The following IQANK1 variants were observed in gnomAD, a reference collection of about 807,000 sequenced individuals.
IQANK1 encodes IQ motif and ankyrin repeat containing 1, also known as IQ motif and ankyrin repeat domain-containing protein 1.
Under a neutral mutation model 22.6 loss-of-function variants are expected in IQANK1, and 30 were observed. The ratio of observed to expected loss-of-function variants is 1.33; its 90% CI spans 0.99 to 1.80. The LOEUF is 1.80. IQANK1 is among the 40% of genes most tolerant of loss of function. The pLI is 0.00. For missense variants in IQANK1, 275 were observed against 235.2 expected (o/e 1.17, Z -1.11); for synonymous variants, 122 against 99.6 (o/e 1.23, Z -1.34).
intron 3 of IQANK1, among the ~76,000 whole-genome samples, chr8:143,748,566 C>T (rs1391695206): frequency 8.8e-6 from 1 of 113,994 alleles, no homozygotes; most frequent in Admixed American, 1.0e-4. Flanking sequence ...ATATATATAT[C>T]ATATATAATA....
At chr8:143,776,334 AAAAAAAAAAAAG>A (rs1819685601) in intron 7 of IQANK1, among the ~76,000 whole-genome samples, 1 of 143,308 alleles carries the variant, frequency 7.0e-6, no homozygotes, top group South Asian at 2.1e-4. Context: ...TCTCAAAAAA[AAAAAAAAAAAAG>A]AAAAAGAAAA....
intron 11 of IQANK1, 49 bp downstream of exon 11, chr8:143,789,918 G>A (rs1554631997): frequency 2.4e-6 from 3 of 1,231,840 alleles, no homozygotes. Context: ...TACAGCCCAG[G>A]GCGGGGTCCG....
chr8:143,741,562 C>A (rs904177308), intron 3 of IQANK1, among the ~76,000 whole-genome samples: 8 of 152,178 alleles, frequency 5.3e-5, no homozygotes, highest in Admixed American at 1.3e-4. Context: ...GAGTCTATTT[C>A]AGGCAGAACA....
intron 3 of IQANK1, chr8:143,743,801 A>G: frequency 2.4e-6 from 1 of 411,018 alleles, no homozygotes; most frequent in Non-Finnish European, 4.7e-6. Flanking sequence ...CATTAGTTTC[A>G]TATATTGTAG....
chr8:143,753,515 A>G lies in IQANK1; in HGVS notation c.175+13567A>G, dbSNP rs138308346. 8.4e-3 allele frequency among the ~76,000 whole-genome samples: 1,231 copies of G among 145,994 alleles called. 18 individuals are homozygous for G. The highest frequency in any genetic ancestry group is 0.03 in the African/African-American group (1,153 of 38,870). The stretch of plus-strand genomic sequence containing the variant: ...CTGTCTCAGGCTGGAGTGCAGTGGC[A>G]TGATCTCGGCTCACTGCAACCTCTG... On this transcript the variant is annotated intron_variant, in intron 3 of 13. Transcript: ENST00000527139.
intron 3 of IQANK1, among the ~76,000 whole-genome samples, chr8:143,768,963 AC>A (rs1819526195): frequency 6.6e-6 from 1 of 152,108 alleles, no homozygotes; most frequent in Admixed American, 6.5e-5. Flanking sequence ...TGTGATTCTG[AC>A]CCAAATAGGG....
chr8:143,755,001 T>G (rs1396299113), intron 3 of IQANK1, among the ~76,000 whole-genome samples: 1 of 152,126 alleles, frequency 6.6e-6, no homozygotes, highest in African/African-American at 2.4e-5. Context: ...GTTCTCTTGG[T>G]TAGAAGCAAG....
rs1240501024 is a variant in IQANK1 at position 143,789,993 on chromosome 8, G to T, written c.1218G>T (p.Leu406=). ...CAGGGGAGGAAGAGGCGCCTGGGCT[G>T]AAGTGCCAGGTCACCGAGCTGCACG... ...TQEGEEEAPG[L]KCQVTELHDV... Residue 406 remains leucine, a synonymous_variant, in exon 12 of 14, where the codon CTG becomes CTT. Transcript: ENST00000527139. 1.6e-6 allele frequency: 2 copies of T among 1,232,070 alleles called. No individual in the cohort carries two copies. Among genetic ancestry groups the T allele is most frequent in the African/African-American group, 3.1e-5 (2 of 64,554 alleles). 76.3% of individuals were successfully genotyped at this position (1,232,070 alleles called of 1,614,324 possible).
At chr8:143,737,533 C>G (rs1818774841) in intron 2 of IQANK1, among the ~76,000 whole-genome samples, 1 of 152,180 alleles carries the variant, frequency 6.6e-6, no homozygotes, top group African/African-American at 2.4e-5. Flanking sequence ...CCCACAGATA[C>G]CCTGCATCCA....
intron 7 of IQANK1, among the ~76,000 whole-genome samples, chr8:143,786,163 A>C (rs1819885131): frequency 1.3e-5 from 2 of 152,186 alleles, no homozygotes. Context: ...TTGCCTGGCC[A>C]TGTCATACGT....
intron 7 of IQANK1, among the ~76,000 whole-genome samples, chr8:143,788,187 C>T (rs969211558): frequency 1.3e-5 from 2 of 152,252 alleles, no homozygotes; most frequent in East Asian, 1.9e-4. Context: ...CATTCACACA[C>T]GGAGCCACCC....
intron 3 of IQANK1, among the ~76,000 whole-genome samples, chr8:143,740,171 A>C (rs910874422): frequency 6.6e-6 from 1 of 151,374 alleles, no homozygotes; most frequent in Admixed American, 6.6e-5. Context: ...GCTCTCGCCC[A>C]CCTCCTGGTG....
In IQANK1 at chr8:143,771,302, C is replaced by T. The variant is rs879964109; in HGVS notation, c.176-186C>T. Among the ~76,000 whole-genome samples the T allele has an allele frequency of 2.0e-5, 3 of 151,800 alleles. No homozygotes were observed. Among genetic ancestry groups the T allele is most frequent in the Non-Finnish European group, 4.4e-5 (3 of 67,896 alleles). On this transcript the variant is annotated intron_variant, in intron 3 of 13. Transcript: ENST00000527139. The surrounding 1 kb of genome is among the most constrained non-coding windows in gnomAD (Gnocchi z 6.0). ...CTGGGTCCTCTCCGCGTCCCGGGCT[C>T]TCGCGCAGCCTCCTCGTGCGGCCTC...
At chr8:143,738,339 C>T (rs1187904542) in intron 2 of IQANK1, among the ~76,000 whole-genome samples, 2 of 152,212 alleles carry the variant, frequency 1.3e-5, no homozygotes, top group East Asian at 1.9e-4. Context: ...CTGGAGGCTA[C>T]AGTGGCCGTG....
rs146664943 is a variant in IQANK1 at position 143,743,497 on chromosome 8, C to T, written c.175+3549C>T. Among the ~76,000 whole-genome samples the T allele has an allele frequency of 1.0e-3, 153 of 152,270 alleles. 2 individuals carry two copies. In the East Asian group the frequency reaches 0.021, roughly 21 times the overall value. On this transcript the variant is annotated intron_variant, in intron 3 of 13. Transcript: ENST00000527139. ...CTTGGGCTGTTTGACTTGAGTCTTC[C>T]AGTCTGGATTTTGCTGATAAGATGG...
intron 3 of IQANK1, among the ~76,000 whole-genome samples, chr8:143,753,970 A>C (rs1350575593): frequency 6.6e-6 from 1 of 151,886 alleles, no homozygotes; most frequent in African/African-American, 2.4e-5. Flanking sequence ...TCTCTTTCCA[A>C]GGCTCAGCTG....
chr8:143,747,648 A>T lies in IQANK1; in HGVS notation c.175+7700A>T, dbSNP rs78461461. Reference sequence around the variant, plus strand: ...TGACTGTTGAAGGGTGTTTTTTTTTAAAAAAGAGTATATTGTTTAATTCCA... The same window carrying T: ...TGACTGTTGAAGGGTGTTTTTTTTTTAAAAAGAGTATATTGTTTAATTCCA... On this transcript the variant is annotated intron_variant, in intron 3 of 13. Transcript: ENST00000527139. Among the ~76,000 whole-genome samples, 431 of 129,296 alleles carry T rather than the reference A, an allele frequency of 3.3e-3. 1 individual carries two copies. Among genetic ancestry groups the T allele is most frequent in the East Asian group, 5.5e-3 (24 of 4,398 alleles). 84.8% of individuals were successfully genotyped at this position (129,296 alleles called of 152,430 possible).
chr8:143,775,726 GGC>G (rs1366845284), intron 7 of IQANK1, among the ~76,000 whole-genome samples: 7 of 147,936 alleles, frequency 4.7e-5, no homozygotes, highest in African/African-American at 1.8e-4. Flanking sequence ...CGCGCCACTG[GGC>G]TTCAGCCTGG....
chr8:143,750,944 T>TTGTGTGTG (rs56002701), intron 3 of IQANK1, among the ~76,000 whole-genome samples: 101 of 149,800 alleles, frequency 6.7e-4, no homozygotes, highest in East Asian at 2.9e-3. Flanking sequence ...CTGTCTTCTT[T>TTGTGTGTG]TGTGTGTGTG....
Sources: gnomAD v4.1 joint callset for allele counts (sites outside exome capture counted in the v4.1 genomes callset) on GRCh38, gnomAD v4.1.1 for gene constraint, Gnocchi (gnomAD v3.1) non-coding constraint, MANE v1.5 for transcripts, NCBI Gene and HGNC (gene_info 2026-07-23, HGNC 2026-07-21) for gene names.